The following GPCPD1 variants were observed in gnomAD, a reference collection of about 807,000 sequenced individuals.
The protein encoded by GPCPD1 is glycerophosphocholine phosphodiesterase GPCPD1.
In GPCPD1, 29 loss-of-function variants were observed where a neutral mutation model predicts 89.2. That is an observed-to-expected ratio of 0.33 (90% confidence interval 0.24 to 0.44). The LOEUF (loss-of-function observed/expected upper bound fraction) is 0.44. Ranked by LOEUF, GPCPD1 falls within the 20% of genes least tolerant of loss-of-function variation. The pLI is 1.00. For missense variants in GPCPD1, 594 were observed against 808.9 expected, an observed-to-expected ratio of 0.73 and a Z score of 3.22; for synonymous variants, 258 against 266.3, an observed-to-expected ratio of 0.97 and a Z score of 0.30.
chr20:5,591,685 T>C (rs1979336735), intron 4 of GPCPD1, among the ~76,000 whole-genome samples: 1 of 152,232 alleles, frequency 6.6e-6, no homozygotes, highest in Non-Finnish European at 1.5e-5. Flanking sequence ...TAGACAAAGT[T>C]TCATAATACT....
At chr20:5,568,216 A>G (rs1986501308) in intron 12 of GPCPD1, among the ~76,000 whole-genome samples, 1 of 124,036 alleles carries the variant, frequency 8.1e-6, no homozygotes, top group Admixed American at 7.9e-5. Flanking sequence ...TCATCTGTCC[A>G]ACAAATATAC....
At position 5,602,986 on chromosome 20, in the gene GPCPD1, T is replaced by TAA. The variant is rs57455474; in HGVS notation, c.49+1376_49+1377dup. Among the ~76,000 whole-genome samples the TAA allele has an allele frequency of 7.7e-3, 933 of 121,362 alleles. 11 individuals are homozygous for TAA. Among genetic ancestry groups the TAA allele is most frequent in the Middle Eastern group, 0.036 (8 of 220 alleles). 79.6% of individuals were successfully genotyped at this position (121,362 alleles called of 152,430 possible). On this transcript the variant is annotated intron_variant, in intron 2 of 19. Coordinates refer to ENST00000379019, the MANE Select transcript of GPCPD1 (RefSeq NM_019593.5). ...CAACAGAGTGAGACTCCATCTCAATTAAAAAAAAAAAAAAAAAAAAGAGGG... is the reference window on the plus strand; with the variant it reads ...CAACAGAGTGAGACTCCATCTCAATTAAAAAAAAAAAAAAAAAAAAAAGAGGG...
In GPCPD1 at chr20:5,567,568, AAAAAAAAAAAGAAAG is replaced by A. The variant is rs1290938795; in HGVS notation, c.1150-23_1150-9del. On this transcript the variant is annotated splice_polypyrimidine_tract_variant and intron_variant, in intron 12 of 19. Transcript: ENST00000379019. ...TGGATCAGCATCAAATTTCTAAAAA[AAAAAAAAAAAGAAAG>A]AAAGAAAAAGAAAGAATAAAGAAAA... is the stretch of plus-strand genomic sequence containing the variant. 6.5e-7 allele frequency: 1 copy of A among 1,549,710 alleles called. No individual in the cohort carries two copies. The highest frequency in any genetic ancestry group is 2.3e-5 in the East Asian group (1 of 44,132).
chr20:5,599,279 G>T (rs992487451), intron 2 of GPCPD1, among the ~76,000 whole-genome samples: 2 of 152,040 alleles, frequency 1.3e-5, no homozygotes, highest in Non-Finnish European at 2.9e-5. Context: ...GCCAGGCGTG[G>T]TGGCTCACAC....
At chr20:5,550,382 A>C (rs1335583596) in intron 19 of GPCPD1, among the ~76,000 whole-genome samples, 1 of 152,110 alleles carries the variant, frequency 6.6e-6, no homozygotes, top group African/African-American at 2.4e-5. Flanking sequence ...TAAAGAAAAA[A>C]ATCAAGAAAA....
At chr20:5,574,144 T>A (rs979723168) in intron 10 of GPCPD1, 175 bp from the exon 11 acceptor site, 16 of 589,710 alleles carry the variant, frequency 2.7e-5, no homozygotes, top group Non-Finnish European at 3.9e-5. Flanking sequence ...ATTCCTTAAA[T>A]GCAAGCTCTG....
chr20:5,574,122 G>C (rs1978284914), intron 10 of GPCPD1, 153 bp from the exon 11 acceptor site: 1 of 605,338 alleles, frequency 1.7e-6, no homozygotes, highest in South Asian at 2.0e-5. Flanking sequence ...CTATGGCTGT[G>C]ACTAGGAATT....
At chr20:5,605,095 C>A (rs551885919) in intron 1 of GPCPD1, among the ~76,000 whole-genome samples, 32 of 152,158 alleles carry the variant, frequency 2.1e-4, no homozygotes, top group Non-Finnish European at 4.3e-4. Flanking sequence ...AAGTATCTAG[C>A]AAGTTTGAAG....
At chr20:5,601,542 T>TA (rs1266704397) in intron 2 of GPCPD1, among the ~76,000 whole-genome samples, 14 of 151,926 alleles carry the variant, frequency 9.2e-5, no homozygotes, top group African/African-American at 2.9e-4. Context: ...CTAATTTTTG[T>TA]ATTTTTAGTA....
chr20:5,575,786 TG>T, intron 9 of GPCPD1, 29 bp downstream of exon 9: 1 of 1,451,686 alleles, frequency 6.9e-7, no homozygotes, highest in Non-Finnish European at 9.6e-7. Context: ...AACTTAACCT[TG>T]GGTTATTTGG....
chr20:5,603,918 TG>T (rs1980364706), intron 2 of GPCPD1, among the ~76,000 whole-genome samples: 1 of 151,988 alleles, frequency 6.6e-6, no homozygotes, highest in Admixed American at 6.6e-5. Context: ...GGCTAATTTT[TG>T]TATTTTTAGT....
At chr20:5,597,173 A>C (rs561657959) in intron 3 of GPCPD1, among the ~76,000 whole-genome samples, 39 of 152,352 alleles carry the variant, frequency 2.6e-4, no homozygotes, top group African/African-American at 8.4e-4. Context: ...TCTTATAAGG[A>C]GAGCTGAGAA....
At chr20:5,579,492 C>A (rs1057007709) in intron 7 of GPCPD1, among the ~76,000 whole-genome samples, 1 of 152,146 alleles carries the variant, frequency 6.6e-6, no homozygotes, top group African/African-American at 2.4e-5. Context: ...GGATTACAGG[C>A]GCCCAACAGC....
chr20:5,576,107 AT>A (rs772284040), intron 8 of GPCPD1, 129 bp from the exon 9 acceptor site: 12,586 of 172,710 alleles, frequency 0.073, 186 homozygotes, highest in Non-Finnish European at 0.087. Flanking sequence ...GTATATATAT[AT>A]TTTTTTTTTC....
At chr20:5,561,614 A>T (rs1327881032) in intron 15 of GPCPD1, 84 bp from the exon 16 acceptor site, 1 of 646,688 alleles carries the variant, frequency 1.5e-6, no homozygotes, top group African/African-American at 1.9e-5. Flanking sequence ...ATTATTACTA[A>T]AAATAATAAG....
intron 8 of GPCPD1, among the ~76,000 whole-genome samples, chr20:5,577,465 G>A (rs1337546317): frequency 2.1e-5 from 3 of 145,240 alleles, no homozygotes; most frequent in South Asian, 4.3e-4. Context: ...TCCAGACTGC[G>A]CAACAGAGCA....
At chr20:5,581,220 G>A (rs1978457292) in intron 6 of GPCPD1, among the ~76,000 whole-genome samples, 1 of 152,026 alleles carries the variant, frequency 6.6e-6, no homozygotes, top group Non-Finnish European at 1.5e-5. Context: ...CATAACACTG[G>A]TACTCTTCTC....
At chr20:5,564,341 C>CA (rs1242070761) in intron 15 of GPCPD1, among the ~76,000 whole-genome samples, 294 of 150,372 alleles carry the variant, frequency 2.0e-3, no homozygotes, top group Non-Finnish European at 3.5e-3. Flanking sequence ...AAAAAAAAAA[C>CA]CAAAAACTGC....
intron 2 of GPCPD1, among the ~76,000 whole-genome samples, chr20:5,599,841 C>G (rs1980003704): frequency 6.6e-6 from 1 of 152,162 alleles, no homozygotes. Context: ...GCATGAGCCG[C>G]CGCGCCCAGC....
Sources: allele counts gnomAD v4.1 joint callset (sites outside exome capture counted in the v4.1 genomes callset), GRCh38; gene constraint gnomAD v4.1.1; transcripts MANE v1.5; gene names NCBI Gene and HGNC (gene_info 2026-07-23, HGNC 2026-07-21).